MAP1B: variants seen among roughly 807,000 people sequenced by gnomAD.
MAP1B encodes the protein microtubule-associated protein 1B.
MAP1B carries 12 observed loss-of-function variants against 176.1 expected under a neutral mutation model. That is an observed-to-expected ratio of 0.07 (90% confidence interval 0.04 to 0.11). MAP1B has a LOEUF of 0.11. Among genes scored for constraint, MAP1B ranks in the 10% least tolerant of loss-of-function variants. The probability of loss-of-function intolerance (pLI) is 1.00; values close to 1 mark genes in which losing one functional copy is unlikely to be tolerated. For missense variants in MAP1B, 2,523 were observed against 2,990.5 expected, an observed-to-expected ratio of 0.84 and a Z score of 3.65; for synonymous variants, 1,044 against 1,135.0, an observed-to-expected ratio of 0.92 and a Z score of 1.61.
intron 2 of MAP1B, among the ~76,000 whole-genome samples, chr5:72,153,632 G>A (rs1355395773): frequency 2.6e-5 from 4 of 151,994 alleles, no homozygotes; most frequent in Admixed American, 6.5e-5. Context: ...TGAAGAAGAC[G>A]GGTTCTTAAG....
In MAP1B at chr5:72,107,599, C is replaced by T; in HGVS notation, c.68C>T (p.Ser23Phe). ...PSGSIANPAASTSPSLSHRFL... is the reference protein window; with the variant it reads ...PSGSIANPAAFTSPSLSHRFL... ...GGCAGCATCGCCAACCCGGCGGCGT[C>T]CACCTCGCCTAGCCTGTCGCACCGC... Residue 23 changes from serine (S) to phenylalanine (F), a missense_variant, in exon 1 of 7, where the codon TCC (serine) becomes TTC (phenylalanine). Physicochemically the swap from Ser to Phe is radical, Grantham distance 155. Transcript: ENST00000296755. The T allele has an allele frequency of 6.3e-7, 1 of 1,595,568 alleles. No homozygotes were observed. Among genetic ancestry groups the T allele is most frequent in the Non-Finnish European group, 8.5e-7 (1 of 1,177,294 alleles).
intron 2 of MAP1B, chr5:72,179,485 G>A (rs1391586322): frequency 1.2e-5 from 4 of 336,136 alleles, no homozygotes; most frequent in Admixed American, 6.5e-5. Flanking sequence ...CCGTTTCCCA[G>A]TGTGAAACAT....
chr5:72,199,768 A>T lies in MAP1B; in HGVS notation c.6413A>T (p.Gln2138Leu), dbSNP rs772214815. The T allele has an allele frequency of 3.7e-6, 6 of 1,614,184 alleles. No homozygotes were observed. Among genetic ancestry groups the T allele is most frequent in the Non-Finnish European group, 4.2e-6 (5 of 1,180,024 alleles). Residue 2138 changes from glutamine (Q) to leucine (L), a missense_variant, in exon 5 of 7, where the codon CAG becomes CTG. Physicochemically the swap from Gln to Leu is moderately radical, Grantham distance 113. Around this residue, in one of 4 missense-constraint regions of MAP1B, gnomAD observed 287 missense variants for 401.5 expected, o/e 0.71. Transcript: ENST00000296755. The surrounding 1 kb of genome is among the most constrained non-coding windows in gnomAD (Gnocchi z 4.2). ...CCACCGCCTCCAGGAGGAAAGCAAC[A>T]GGGCCGACAGTGTGATGAAACCCCT... ...GAPPPPGGKQ[Q>L]GRQCDETPPT...
chr5:72,166,896 G>C (rs933570371), intron 2 of MAP1B, among the ~76,000 whole-genome samples: 4 of 152,200 alleles, frequency 2.6e-5, no homozygotes, highest in Admixed American at 2.6e-4. Flanking sequence ...CAGACTGTGG[G>C]CAGGACGGGG....
intron 2 of MAP1B, among the ~76,000 whole-genome samples, chr5:72,165,827 G>C (rs1014629840): frequency 2.0e-5 from 3 of 152,178 alleles, no homozygotes; most frequent in Non-Finnish European, 4.4e-5. Flanking sequence ...AACATGTACT[G>C]CATGTTGGGA....
intron 2 of MAP1B, chr5:72,116,025 G>T: frequency 2.2e-6 from 1 of 445,780 alleles, no homozygotes; most frequent in Admixed American, 3.4e-5. Flanking sequence ...TTAAGTTCTA[G>T]GGTTGTGTAT....
intron 2 of MAP1B, among the ~76,000 whole-genome samples, chr5:72,125,006 C>T (rs1745600745): frequency 6.6e-6 from 1 of 152,170 alleles, no homozygotes; most frequent in African/African-American, 2.4e-5. Flanking sequence ...AACAATGCTT[C>T]CTTAGTGCAG....
intron 2 of MAP1B, among the ~76,000 whole-genome samples, chr5:72,123,903 T>C (rs1396862811): frequency 6.6e-6 from 1 of 152,172 alleles, no homozygotes; most frequent in Non-Finnish European, 1.5e-5. Flanking sequence ...AGTGTTGAGA[T>C]TACAGGTGTG....
intron 2 of MAP1B, among the ~76,000 whole-genome samples, chr5:72,121,660 T>C (rs1745532312): frequency 6.6e-6 from 1 of 152,216 alleles, no homozygotes; most frequent in African/African-American, 2.4e-5. Context: ...TATTTACCAG[T>C]TGAGTGATAA....
At chr5:72,200,731 GTAAC>G (rs1235126499) in intron 5 of MAP1B, among the ~76,000 whole-genome samples, 1 of 152,142 alleles carries the variant, frequency 6.6e-6, no homozygotes, top group Non-Finnish European at 1.5e-5. Context: ...ATCCAGCAGG[GTAAC>G]ACAGGCCAGG....
chr5:72,114,122 C>T (rs2112118065), intron 1 of MAP1B, among the ~76,000 whole-genome samples: 1 of 152,264 alleles, frequency 6.6e-6, no homozygotes, highest in South Asian at 2.1e-4. Flanking sequence ...TTAGTGGACA[C>T]ACATCTATTT....
At chr5:72,179,495 T>G (rs1181389795) in intron 2 of MAP1B, 1 of 419,390 alleles carries the variant, frequency 2.4e-6, no homozygotes, top group African/African-American at 2.2e-5. Flanking sequence ...GTGTGAAACA[T>G]TCCCCAAATA....
chr5:72,196,963 C>T lies in MAP1B; in HGVS notation c.3608C>T (p.Ser1203Leu). 6.2e-7 allele frequency: 1 copy of T among 1,614,214 alleles called. No individual in the cohort carries two copies. The highest frequency in any genetic ancestry group is 1.6e-4 in the Middle Eastern group (1 of 6,062). Residue 1203 changes from serine (S) to leucine (L), a missense_variant, in exon 5 of 7, where the codon TCA becomes TTA. Physicochemically the swap from Ser to Leu is moderately radical, Grantham distance 145. This residue lies in a region of MAP1B where 1,925 missense variants were observed against 2,126.0 expected (regional missense o/e 0.91). Transcript: ENST00000296755. The surrounding 1 kb of genome is among the most constrained non-coding windows in gnomAD (Gnocchi z 5.3). ...ACTGATGGCAAGGATTACAATGCTT[C>T]AGCCTCTACCATATCACCACCCTCT... ...DATDGKDYNA[S>L]ASTISPPSSM...
chr5:72,167,577 T>C (rs1431866097), intron 2 of MAP1B, among the ~76,000 whole-genome samples: 1 of 152,236 alleles, frequency 6.6e-6, no homozygotes, highest in East Asian at 1.9e-4. Context: ...AGTGTTCCGT[T>C]AGATATCCTT....
intron 3 of MAP1B, among the ~76,000 whole-genome samples, chr5:72,185,684 T>C (rs1746882507): frequency 6.6e-6 from 1 of 150,638 alleles, no homozygotes; most frequent in Non-Finnish European, 1.5e-5. Flanking sequence ...AAAGGAAAAA[T>C]ATGGAATTTT....
chr5:72,116,621 A>C (rs1034535486), intron 2 of MAP1B, among the ~76,000 whole-genome samples: 5 of 152,152 alleles, frequency 3.3e-5, no homozygotes, highest in Non-Finnish European at 5.9e-5. Flanking sequence ...GGTCACATTT[A>C]GGAATTATGA....
chr5:72,119,613 T>TC (rs960964088), intron 2 of MAP1B, among the ~76,000 whole-genome samples: 16 of 152,050 alleles, frequency 1.1e-4, no homozygotes, highest in African/African-American at 3.9e-4. Context: ...GCTCAAATGA[T>TC]CCCCCCACCT....
intron 2 of MAP1B, among the ~76,000 whole-genome samples, chr5:72,139,322 G>A (rs1463816299): frequency 2.6e-5 from 4 of 152,114 alleles, no homozygotes; most frequent in African/African-American, 9.7e-5. Context: ...AGTGTACTGG[G>A]GCTGCTGCAA....
chr5:72,185,079 G>A (rs554714008), intron 3 of MAP1B, among the ~76,000 whole-genome samples: 54 of 152,266 alleles, frequency 3.5e-4, no homozygotes, highest in African/African-American at 1.3e-3. Context: ...TGCGTGTCTG[G>A]CTTATTTTAG....
Sources: gnomAD v4.1 joint callset for allele counts (sites outside exome capture counted in the v4.1 genomes callset) on GRCh38, gnomAD v4.1.1 for gene constraint, gnomAD v4.1.1 regional missense constraint, Gnocchi (gnomAD v3.1) non-coding constraint, MANE v1.5 for transcripts, NCBI Gene and HGNC (gene_info 2026-07-23, HGNC 2026-07-21) for gene names.